The following MMP16 variants were observed in gnomAD, a reference collection of about 807,000 sequenced individuals.
MMP16 encodes the protein matrix metalloproteinase-16.
Under a neutral mutation model 67.8 loss-of-function variants are expected in MMP16, and 12 were observed. The ratio of observed to expected loss-of-function variants is 0.18; its 90% CI spans 0.11 to 0.29. MMP16 has a LOEUF of 0.29. MMP16 is among the 10% of genes least tolerant of loss of function. The probability of loss-of-function intolerance (pLI) is 1.00; values close to 1 mark genes in which losing one functional copy is unlikely to be tolerated. For missense variants in MMP16, 475 were observed against 765.7 expected, an observed-to-expected ratio of 0.62 and a Z score of 4.48; for synonymous variants, 249 against 255.9, an observed-to-expected ratio of 0.97 and a Z score of 0.26.
intron 1 of MMP16, among the ~76,000 whole-genome samples, chr8:88,217,795 A>G (rs7357575): frequency 0.17 from 26,437 of 152,090 alleles, 2,448 homozygotes; most frequent in South Asian, 0.2. Flanking sequence ...AGAAATTAAC[A>G]TATTTGAACA....
At chr8:88,045,115 A>C (rs1808181564) in intron 9 of MMP16, among the ~76,000 whole-genome samples, 1 of 152,078 alleles carries the variant, frequency 6.6e-6, no homozygotes, top group African/African-American at 2.4e-5. Flanking sequence ...CACAAAAATT[A>C]TTTTTCTCAG....
chr8:88,258,433 C>T (rs543318847), intron 1 of MMP16, among the ~76,000 whole-genome samples: 1 of 152,238 alleles, frequency 6.6e-6, no homozygotes, highest in Non-Finnish European at 1.5e-5. Context: ...TGTCTAATGC[C>T]ATATCAGGTC....
chr8:88,062,674 G>A (rs897306485), intron 7 of MMP16, among the ~76,000 whole-genome samples: 6 of 151,866 alleles, frequency 4.0e-5, no homozygotes, highest in South Asian at 2.1e-4. Context: ...GGGGGAGTGG[G>A]GAGGGATAGC....
At chr8:88,319,439 C>T (rs1360236515) in intron 1 of MMP16, among the ~76,000 whole-genome samples, 3 of 151,826 alleles carry the variant, frequency 2.0e-5, no homozygotes, top group East Asian at 3.9e-4. Context: ...CCCTAAGATG[C>T]CAACTAGATG....
chr8:88,108,984 T>C (rs1488286593), intron 6 of MMP16, among the ~76,000 whole-genome samples: 1 of 151,328 alleles, frequency 6.6e-6, no homozygotes, highest in Non-Finnish European at 1.5e-5. Flanking sequence ...GATTATGAAG[T>C]GCTAATTGTA....
At chr8:88,089,790 T>A (rs1234190642) in intron 6 of MMP16, among the ~76,000 whole-genome samples, 1 of 151,824 alleles carries the variant, frequency 6.6e-6, no homozygotes, top group Non-Finnish European at 1.5e-5. Flanking sequence ...GAAGTAAATG[T>A]TAAATAATAA....
At position 88,035,671 on chromosome 8, in the gene MMP16, G is replaced by A. The variant is rs1303826608; in HGVS notation, c.*5790C>T. On this transcript the variant is annotated 3_prime_UTR_variant, in exon 10 of 10. Transcript: ENST00000286614. The surrounding 1 kb of genome is among the most constrained non-coding windows in gnomAD (Gnocchi z 4.7). Reference sequence around the variant, plus strand: ...AATATTGTTCTAATAAATGATGCATGTCACGTCCAGTTATAAGCCCATAAT... The same window carrying A: ...AATATTGTTCTAATAAATGATGCATATCACGTCCAGTTATAAGCCCATAAT... The A allele has an allele frequency of 3.9e-5, 6 of 151,912 alleles. No individual in the cohort carries two copies. Among genetic ancestry groups the A allele is most frequent in the Non-Finnish European group, 4.4e-5 (3 of 67,880 alleles). 9.4% of individuals were successfully genotyped at this position (151,912 alleles called of 1,614,324 possible).
At chr8:88,297,576 G>A (rs1233821698) in intron 1 of MMP16, among the ~76,000 whole-genome samples, 1 of 152,214 alleles carries the variant, frequency 6.6e-6, no homozygotes, top group Non-Finnish European at 1.5e-5. Flanking sequence ...TGGTCTGCCA[G>A]AGAGGGTCTT....
intron 1 of MMP16, among the ~76,000 whole-genome samples, chr8:88,275,047 G>T (rs1810624481): frequency 6.6e-6 from 1 of 151,838 alleles, no homozygotes. Flanking sequence ...ACATTAAGGA[G>T]TAAATAATAA....
At chr8:88,298,881 C>A (rs1044693833) in intron 1 of MMP16, among the ~76,000 whole-genome samples, 1 of 151,518 alleles carries the variant, frequency 6.6e-6, no homozygotes, top group African/African-American at 2.4e-5. Context: ...ATTTCAATAC[C>A]TGGTTATAAT....
chr8:88,154,732 G>A (rs1172196658), intron 4 of MMP16, among the ~76,000 whole-genome samples: 6 of 147,810 alleles, frequency 4.1e-5, no homozygotes, highest in East Asian at 2.0e-4. Flanking sequence ...TGGGGGGAGC[G>A]GGGAGGGATA....
chr8:88,159,748 G>C (rs1199674402), intron 4 of MMP16, among the ~76,000 whole-genome samples: 1 of 152,034 alleles, frequency 6.6e-6, no homozygotes, highest in Non-Finnish European at 1.5e-5. Context: ...TGCCCATTCA[G>C]TATGAGGTTG....
chr8:88,033,625 C>A lies in MMP16; in HGVS notation c.*7836G>T, dbSNP rs1808014425. On this transcript the variant is annotated 3_prime_UTR_variant, in exon 10 of 10. Transcript: ENST00000286614. ...ACTAGTAAACTCCATTTATTTCCCTCCTATAATATAAAAACAAGATCTATT... is the reference window on the plus strand; with the variant it reads ...ACTAGTAAACTCCATTTATTTCCCTACTATAATATAAAAACAAGATCTATT... 1 of 151,822 alleles carries A rather than the reference C, an allele frequency of 6.6e-6. No individual in the cohort carries two copies. The highest frequency in any genetic ancestry group is 2.1e-4 in the South Asian group (1 of 4,812). 9.4% of individuals were successfully genotyped at this position (151,822 alleles called of 1,614,324 possible).
chr8:88,123,159 A>G (rs191474135), intron 4 of MMP16, among the ~76,000 whole-genome samples: 1 of 151,820 alleles, frequency 6.6e-6, no homozygotes, highest in African/African-American at 2.4e-5. Flanking sequence ...GTATTTTAGC[A>G]CTCTATCTCC....
intron 6 of MMP16, among the ~76,000 whole-genome samples, chr8:88,077,579 G>C (rs1242876546): frequency 1.3e-5 from 2 of 152,152 alleles, no homozygotes; most frequent in African/African-American, 4.8e-5. Flanking sequence ...CTGATGGCAA[G>C]AATGTCGGTC....
chr8:88,159,181 A>C (rs1808568999), intron 4 of MMP16, among the ~76,000 whole-genome samples: 1 of 152,198 alleles, frequency 6.6e-6, no homozygotes, highest in Non-Finnish European at 1.5e-5. Context: ...ACTTTAAACT[A>C]GTTTTTTCCA....
intron 6 of MMP16, among the ~76,000 whole-genome samples, chr8:88,096,168 A>C (rs1412884336): frequency 6.6e-6 from 1 of 151,972 alleles, no homozygotes; most frequent in Non-Finnish European, 1.5e-5. Context: ...CAACGATGTG[A>C]GAATATTTTA....
At position 88,186,466 on chromosome 8, in the gene MMP16, G is replaced by A. The variant is rs568798349; in HGVS notation, c.404+10C>T. 5 of 1,612,548 alleles carry A rather than the reference G, an allele frequency of 3.1e-6. No individual in the cohort carries two copies. The highest frequency in any genetic ancestry group is 2.2e-5 in the South Asian group (2 of 90,690). ...GGGGAAAAGGGGAGATTAATCGTGA[G>A]TTCTTATACCTGTAAGTGATGTGCT... On this transcript the variant is annotated intron_variant, in intron 3 of 9. Transcript: ENST00000286614.
chr8:88,271,569 C>T (rs1810563061), intron 1 of MMP16, among the ~76,000 whole-genome samples: 3 of 151,608 alleles, frequency 2.0e-5, no homozygotes, highest in Admixed American at 2.0e-4. Flanking sequence ...TCTTGGCTCA[C>T]TGCAACCTCC....
Sources: gnomAD v4.1 joint callset for allele counts (sites outside exome capture counted in the v4.1 genomes callset) on GRCh38, gnomAD v4.1.1 for gene constraint, Gnocchi (gnomAD v3.1) non-coding constraint, MANE v1.5 for transcripts, NCBI Gene and HGNC (gene_info 2026-07-23, HGNC 2026-07-21) for gene names.